Variants in RASGRF1 observed in about 807,000 individuals in gnomAD.
The protein encoded by RASGRF1 is Ras protein specific guanine nucleotide releasing factor 1, also known as ras-specific guanine nucleotide-releasing factor 1.
A neutral mutation model predicts 138.7 loss-of-function variants in RASGRF1; 40 were observed. The observed-to-expected ratio is 0.29, with a 90% confidence interval of 0.22 to 0.38. The LOEUF (loss-of-function observed/expected upper bound fraction) is 0.38, where lower values mean the gene tolerates loss of function less well. RASGRF1 is among the 10% of genes least tolerant of loss of function. The pLI is 1.00. For synonymous variants in RASGRF1, 614 were observed against 663.2 expected (o/e 0.93, Z 1.14); for missense variants, 1,108 against 1,650.4 (o/e 0.67, Z 5.69).
At chr15:79,012,481 G>A (rs1283916406) in intron 13 of RASGRF1, 10 of 1,557,716 alleles carry the variant, frequency 6.4e-6, no homozygotes, top group Non-Finnish European at 8.9e-6. Flanking sequence ...CGAGGACGGA[G>A]ACCCCACCTG....
rs189549747 is a variant in RASGRF1, at chr15:78,963,976, C to T, written c.3682-1740G>A. ...GATCAGGAAACTGATTAGTTTCCTC[C>T]GTAGTGAGCATGTGCAGGATCAATT... On this transcript the variant is annotated intron_variant, in intron 26 of 26. Transcript: ENST00000558480. 4.0e-5 allele frequency among the ~76,000 whole-genome samples: 6 copies of T among 151,896 alleles called. No individual in the cohort carries two copies. The East Asian group carries it at 7.8e-4, about 20-fold the overall frequency.
chr15:79,058,394 G>A lies in RASGRF1; in HGVS notation c.471C>T (p.Ala157=). 1 of 1,614,096 alleles carries A rather than the reference G, an allele frequency of 6.2e-7. No homozygotes were observed. Among genetic ancestry groups the A allele is most frequent in the Non-Finnish European group, 8.5e-7 (1 of 1,180,022 alleles). ...LQIVETEKTV[A]KQLRQQIEDG... ...CCTCGATCTGCTGCCGAAGCTGCTT[G>A]GCCACGGTCTTCTCTGTCTCCACGA... Residue 157 remains alanine (A), a synonymous_variant, in exon 3 of 27, where the codon GCC becomes GCT. Coordinates refer to ENST00000558480, the MANE Select transcript of RASGRF1 (RefSeq NM_001145648.3).
chr15:79,003,597 C>T (rs2056592515), intron 15 of RASGRF1, among the ~76,000 whole-genome samples: 1 of 152,258 alleles, frequency 6.6e-6, no homozygotes. Context: ...CTGCCTCCCC[C>T]CGCAGCCTGG....
chr15:78,983,020 T>C (rs1240391171), intron 23 of RASGRF1, among the ~76,000 whole-genome samples: 2 of 152,212 alleles, frequency 1.3e-5, no homozygotes, highest in African/African-American at 2.4e-5. Flanking sequence ...TTTTCTGCTA[T>C]GGTGAGCACA....
chr15:78,989,298 T>C (rs964457172), intron 22 of RASGRF1, among the ~76,000 whole-genome samples: 1 of 152,104 alleles, frequency 6.6e-6, no homozygotes, highest in Non-Finnish European at 1.5e-5. Flanking sequence ...AGTTTGCAGG[T>C]CCAGTGCTTG....
intron 3 of RASGRF1, among the ~76,000 whole-genome samples, chr15:79,058,034 A>G (rs1282608209): frequency 6.6e-6 from 1 of 152,224 alleles, no homozygotes; most frequent in Admixed American, 6.5e-5. Context: ...CTCAATCCTC[A>G]CGACCTGGTC....
At chr15:79,008,339 C>T (rs2056726575) in intron 13 of RASGRF1, among the ~76,000 whole-genome samples, 1 of 152,088 alleles carries the variant, frequency 6.6e-6, no homozygotes, top group African/African-American at 2.4e-5. Context: ...AGGATGAGAA[C>T]AATATGGGAA....
intron 6 of RASGRF1, among the ~76,000 whole-genome samples, chr15:79,034,910 T>TA (rs902227913): frequency 1.3e-5 from 2 of 152,250 alleles, no homozygotes; most frequent in African/African-American, 4.8e-5. Context: ...ACATTCTTTA[T>TA]AAAAGGGGAA....
chr15:78,983,937 C>T (rs1261248499), intron 23 of RASGRF1, among the ~76,000 whole-genome samples: 1 of 152,178 alleles, frequency 6.6e-6, no homozygotes, highest in Non-Finnish European at 1.5e-5. Flanking sequence ...GTTCTGTAGT[C>T]CTGCTGTCAT....
intron 5 of RASGRF1, among the ~76,000 whole-genome samples, chr15:79,044,543 G>T (rs1249920939): frequency 2.0e-5 from 3 of 152,200 alleles, no homozygotes; most frequent in Non-Finnish European, 2.9e-5. Flanking sequence ...CTTTGGTGGG[G>T]CTGCTGGCTA....
chr15:79,005,658 A>C lies in RASGRF1; in HGVS notation c.2075+528T>G, dbSNP rs201265613. The C allele has an allele frequency of 5.8e-4, 575 of 987,966 alleles. 4 individuals carry two copies. In the African/African-American group the frequency reaches 9.6e-3, roughly 17 times the overall value. 61.2% of individuals were successfully genotyped at this position (987,966 alleles called of 1,614,324 possible). A position where few individuals can be genotyped will look rare whatever the true frequency, so the allele number is the denominator to read the frequency against. ...TTGACTCACCCCAAGTAGGCCAAAA[A>C]GGGCTCCATCATTTCTTAGAGTAGG... On this transcript the variant is annotated intron_variant, in intron 14 of 26. Coordinates refer to ENST00000558480, the MANE Select transcript of RASGRF1 (RefSeq NM_001145648.3).
intron 20 of RASGRF1, among the ~76,000 whole-genome samples, chr15:78,993,978 C>T (rs554928153): frequency 5.3e-5 from 8 of 152,308 alleles, no homozygotes; most frequent in Admixed American, 2.6e-4. Context: ...CCTCTCAACC[C>T]GGATCTGCCC....
At chr15:79,043,894 C>T (rs1222477610) in intron 5 of RASGRF1, among the ~76,000 whole-genome samples, 35 of 152,344 alleles carry the variant, frequency 2.3e-4, no homozygotes, top group Admixed American at 2.3e-3. Context: ...CAAAGGGTTA[C>T]TCTTCTGAAT....
intron 13 of RASGRF1, among the ~76,000 whole-genome samples, chr15:79,008,491 G>A (rs1330206675): frequency 6.6e-6 from 1 of 152,188 alleles, no homozygotes; most frequent in African/African-American, 2.4e-5. Context: ...CCAAGATTCA[G>A]GAAAGTATAC....
rs573452993 is a variant in RASGRF1, at chr15:79,054,773, C to G, written c.531+3561G>C. ...GGGTGTTACTGCAGCATAATCTAGC[C>G]TATTCTGACAGATACAGGTAGTGAC... On this transcript the variant is annotated intron_variant, in intron 3 of 26. Coordinates refer to ENST00000558480, the MANE Select transcript of RASGRF1 (RefSeq NM_001145648.3). 2.4e-4 allele frequency among the ~76,000 whole-genome samples: 37 copies of G among 152,282 alleles called. No homozygotes were observed. The South Asian group carries it at 7.7e-3, about 32-fold the overall frequency.
At chr15:78,983,758 C>G (rs1019964461) in intron 23 of RASGRF1, among the ~76,000 whole-genome samples, 8 of 152,358 alleles carry the variant, frequency 5.3e-5, no homozygotes, top group Admixed American at 2.0e-4. Flanking sequence ...CCATGTTTGG[C>G]TAGATGTGCC....
intron 2 of RASGRF1, among the ~76,000 whole-genome samples, chr15:79,059,222 T>TCCTTC (rs377302880): frequency 0.061 from 3,525 of 57,922 alleles, 430 homozygotes; most frequent in Non-Finnish European, 0.07. Context: ...CCCTTCCCTA[T>TCCTTC]CCTTCCCTTC....
rs975077510 is a variant in RASGRF1 at position 78,979,267 on chromosome 15, A to G, written c.3494+1353T>C. 5.4e-6 allele frequency: 6 copies of G among 1,108,868 alleles called. No individual in the cohort carries two copies. In the Admixed American group the frequency reaches 1.4e-4, roughly 25 times the overall value. The allele number at this position is 1,108,868 out of a possible 1,614,324, so 68.7% of individuals were successfully genotyped here. On this transcript the variant is annotated intron_variant, in intron 24 of 26. Transcript: ENST00000558480. Reference sequence around the variant, plus strand: ...ATGGCACACAGAGCTGGCAAAGGACAGACCAAATGCGGCAGGAAGAAAACG... The same window carrying G: ...ATGGCACACAGAGCTGGCAAAGGACGGACCAAATGCGGCAGGAAGAAAACG...
chr15:78,990,342 C>T lies in RASGRF1; in HGVS notation c.3132-69G>A, dbSNP rs549863436. The T allele has an allele frequency of 6.4e-6, 7 of 1,090,798 alleles. No homozygotes were observed. The Admixed American group carries it at 1.2e-4, about 18-fold the overall frequency. 67.6% of individuals were successfully genotyped at this position (1,090,798 alleles called of 1,614,324 possible). A position where few individuals can be genotyped will look rare whatever the true frequency, so the allele number is the denominator to read the frequency against. On this transcript the variant is annotated intron_variant, in intron 21 of 26. Coordinates refer to ENST00000558480, the MANE Select transcript of RASGRF1 (RefSeq NM_001145648.3). ...GCCTTGCTGATTTCATTGCTCCATG[C>T]TTTTTATTTTATTTTTTGGCTTTTT...
Sources: allele counts gnomAD v4.1 joint callset (sites outside exome capture counted in the v4.1 genomes callset), GRCh38; gene constraint gnomAD v4.1.1; transcripts MANE v1.5; gene names NCBI Gene and HGNC (gene_info 2026-07-23, HGNC 2026-07-21).